SEC61A1: variants seen among roughly 807,000 people sequenced by gnomAD.
The protein encoded by SEC61A1 is SEC61 translocon subunit alpha 1, also known as protein transport protein Sec61 subunit alpha isoform 1.
A neutral mutation model predicts 55.2 loss-of-function variants in SEC61A1; 15 were observed. The ratio of observed to expected loss-of-function variants is 0.27; its 90% confidence interval spans 0.18 to 0.42. The LOEUF is 0.42. Ranked by LOEUF, SEC61A1 falls within the 10% of genes least tolerant of loss-of-function variation. The pLI, the probability that SEC61A1 is intolerant of heterozygous loss-of-function variation, is 1.00. For missense variants in SEC61A1, 284 were observed against 602.6 expected, an observed-to-expected ratio of 0.47 and a Z score of 5.53; for synonymous variants, 247 against 234.0, an observed-to-expected ratio of 1.06 and a Z score of -0.51.
chr3:128,055,003 A>G (rs940820684), intron 2 of SEC61A1, among the ~76,000 whole-genome samples: 3 of 152,188 alleles, frequency 2.0e-5, no homozygotes, highest in East Asian at 3.8e-4. Context: ...GGTTTATTAC[A>G]CTGTTTTACC....
intron 5 of SEC61A1, among the ~76,000 whole-genome samples, chr3:128,059,477 A>AG (rs1308924272): frequency 1.3e-5 from 2 of 152,030 alleles, no homozygotes; most frequent in African/African-American, 4.8e-5. Context: ...TCAAAAAAAA[A>AG]AAAAAGGAAA....
chr3:128,058,201 A>ATTTTTTTTTTTTTTTTTTTTTTTTTTTT lies in SEC61A1; in HGVS notation c.352+1386_352+1387insTTTTTTTTTTTTTTTTTTTTTTTTTTTT, dbSNP rs57508280. 3.8e-5 allele frequency among the ~76,000 whole-genome samples: 3 copies of ATTTTTTTTTTTTTTTTTTTTTTTTTTTT among 79,358 alleles called. 1 individual carries two copies. Among genetic ancestry groups the ATTTTTTTTTTTTTTTTTTTTTTTTTTTT allele is most frequent in the African/African-American group, 1.5e-4 (3 of 20,002 alleles). 52.1% of individuals were successfully genotyped at this position (79,358 alleles called of 152,430 possible). On this transcript the variant is annotated intron_variant, in intron 5 of 11. Coordinates refer to ENST00000243253, the MANE Select transcript of SEC61A1 (RefSeq NM_013336.4). ...GGATAATTGAATGAGAAATACGTCT[A>ATTTTTTTTTTTTTTTTTTTTTTTTTTTT]TTTTTTTTTTTTTTTTTTTTTTTTT...
At chr3:128,066,604 T>C in intron 8 of SEC61A1, 1 of 258,528 alleles carries the variant, frequency 3.9e-6, no homozygotes, top group Non-Finnish European at 7.4e-6. Flanking sequence ...GTTTATTTTT[T>C]GTAGAGACGG....
At position 128,067,010 on chromosome 3, in the gene SEC61A1, C is replaced by G. The variant is rs916026371; in HGVS notation, c.834C>G (p.Thr278=). Residue 278 remains threonine (T), a synonymous_variant, in exon 9 of 12, where the codon ACC becomes ACG. Coordinates refer to ENST00000243253, the MANE Select transcript of SEC61A1 (RefSeq NM_013336.4). The surrounding 1 kb of genome is among the most constrained non-coding windows in gnomAD (Gnocchi z 4.1). The part of the protein sequence containing the change: ...KSARYRGQYN[T]YPIKLFYTSN... ...CCCGCTACCGTGGCCAGTACAACACCTATCCCATCAAGCTCTTCTATACGT... is the reference window on the plus strand; with the variant it reads ...CCCGCTACCGTGGCCAGTACAACACGTATCCCATCAAGCTCTTCTATACGT... 6.2e-7 allele frequency: 1 copy of G among 1,614,206 alleles called. No individual in the cohort carries two copies. Among genetic ancestry groups the G allele is most frequent in the African/African-American group, 1.3e-5 (1 of 75,034 alleles).
Position 128,060,088 on chromosome 3 carries a change from TC to T in SEC61A1, c.353-13del. ...GTGACCCACTTGGAAAACACTTCTT[TC>T]TTTCAATTCTAGTATTTGGCATGAT... On this transcript the variant is annotated splice_polypyrimidine_tract_variant and intron_variant, in intron 5 of 11. Transcript: ENST00000243253. 2 of 1,596,986 alleles carry T rather than the reference TC, an allele frequency of 1.3e-6. No individual in the cohort carries two copies. Among genetic ancestry groups the T allele is most frequent in the Non-Finnish European group, 1.7e-6 (2 of 1,164,758 alleles).
chr3:128,065,543 T>A (rs560994188), intron 8 of SEC61A1, among the ~76,000 whole-genome samples: 3 of 152,142 alleles, frequency 2.0e-5, no homozygotes, highest in African/African-American at 7.2e-5. Flanking sequence ...TTTTTGATGG[T>A]CCACTTTGTA....
intron 5 of SEC61A1, 103 bp downstream of exon 5, chr3:128,056,943 T>TC (rs1941780692): frequency 2.1e-6 from 2 of 972,762 alleles, no homozygotes; most frequent in East Asian, 6.7e-5. Flanking sequence ...TTTTATTTTT[T>TC]TTTTTTTTTT....
At chr3:128,061,304 C>T (rs188508945) in intron 7 of SEC61A1, among the ~76,000 whole-genome samples, 1 of 152,332 alleles carries the variant, frequency 6.6e-6, no homozygotes, top group East Asian at 1.9e-4. Context: ...CATTGGCATG[C>T]TGTGCTACAT....
Position 128,067,281 on chromosome 3 carries a change from T to A in SEC61A1, c.975+130T>A. Reference sequence around the variant, plus strand: ...TGTGCCTTTTACAAATTCAGCACATTAAATTATCTTTTCAGTAAAAAAATT... The same window carrying A: ...TGTGCCTTTTACAAATTCAGCACATAAAATTATCTTTTCAGTAAAAAAATT... On this transcript the variant is annotated intron_variant, in intron 9 of 11. Coordinates refer to ENST00000243253, the MANE Select transcript of SEC61A1 (RefSeq NM_013336.4). This position sits in a 1 kb window ranked among gnomAD's most constrained non-coding sequence, Gnocchi z 4.1. 1.6e-6 allele frequency: 2 copies of A among 1,286,460 alleles called. No individual in the cohort carries two copies. The highest frequency in any genetic ancestry group is 2.2e-6 in the Non-Finnish European group (2 of 917,098). 79.7% of individuals were successfully genotyped at this position (1,286,460 alleles called of 1,614,324 possible).
In SEC61A1 at chr3:128,052,725, G is replaced by A. The variant is rs1268391485; in HGVS notation, c.8-110G>A. 3 of 1,488,956 alleles carry A rather than the reference G, an allele frequency of 2.0e-6. No homozygotes were observed. In the East Asian group the frequency reaches 7.1e-5, roughly 35 times the overall value. The allele number at this position is 1,488,956 out of a possible 1,614,324, so 92.2% of individuals were successfully genotyped here. A position where few individuals can be genotyped will look rare whatever the true frequency, so the allele number is the denominator to read the frequency against. The stretch of plus-strand genomic sequence containing the variant: ...TCCCCACGCGTCCGGGGTGCGGCCG[G>A]CTCCCCTGGCCCCTGCTCTCACTCG... On this transcript the variant is annotated intron_variant, in intron 1 of 11. Coordinates refer to ENST00000243253, the MANE Select transcript of SEC61A1 (RefSeq NM_013336.4).
intron 7 of SEC61A1, among the ~76,000 whole-genome samples, chr3:128,064,370 G>A (rs1315242515): frequency 1.3e-5 from 2 of 152,210 alleles, no homozygotes; most frequent in African/African-American, 4.8e-5. Flanking sequence ...GTTGGGTGCT[G>A]TGGCTCACAC....
chr3:128,058,333 C>A (rs1259507265), intron 5 of SEC61A1, among the ~76,000 whole-genome samples: 1 of 151,654 alleles, frequency 6.6e-6, no homozygotes, highest in Non-Finnish European at 1.5e-5. Flanking sequence ...CTCAGCCTCC[C>A]AAGTAGCTGG....
In SEC61A1 at chr3:128,067,416, C is replaced by T. The variant is rs376842173; in HGVS notation, c.976-5C>T. ...CTCACATGCGTTTGGTTTCTTCTTC[C>T]CCAGGACACGTCTTCTGGGGGCCCA... On this transcript the variant is annotated splice_region_variant and splice_polypyrimidine_tract_variant and intron_variant, in intron 9 of 11. Transcript: ENST00000243253. This position sits in a 1 kb window ranked among gnomAD's most constrained non-coding sequence, Gnocchi z 4.1. The T allele has an allele frequency of 3.7e-6, 6 of 1,609,088 alleles. No individual in the cohort carries two copies. The highest frequency in any genetic ancestry group is 4.2e-6 in the Non-Finnish European group (5 of 1,178,248).
chr3:128,068,519 G>C (rs372703755), intron 11 of SEC61A1: 4 of 165,518 alleles, frequency 2.4e-5, no homozygotes, highest in Admixed American at 2.3e-4. Flanking sequence ...GGCTGGGCAC[G>C]GAAGGGGTTG....
In SEC61A1 at chr3:128,061,249, A is replaced by C. The variant is rs184353522; in HGVS notation, c.616+588A>C. On this transcript the variant is annotated intron_variant, in intron 7 of 11. Transcript: ENST00000243253. ...GGTTACCAGGATGCAGTGAGAAGCA[A>C]CATGAAATTACATGATGCCTGGCTC... 4.6e-5 allele frequency among the ~76,000 whole-genome samples: 7 copies of C among 152,328 alleles called. No homozygotes were observed. The East Asian group carries it at 1.4e-3, about 29-fold the overall frequency.
At chr3:128,051,891 T>A, upstream of SEC61A1, 1 of 1,535,960 alleles carries the variant, frequency 6.5e-7, no homozygotes, top group Admixed American at 2.0e-5. Flanking sequence ...GCTTAATGAC[T>A]CAGACAGCGA....
chr3:128,052,476 C>G lies in SEC61A1; in HGVS notation c.-77C>G. ...CGGAGCTGCTGTGCAGTGGAACGCG[C>G]TGGGCCGCGGGCAGCGTCGCCTCAC... On this transcript the variant is annotated 5_prime_UTR_variant, in exon 1 of 12. Transcript: ENST00000243253. 6.5e-7 allele frequency: 1 copy of G among 1,549,392 alleles called. No individual in the cohort carries two copies. Among genetic ancestry groups the G allele is most frequent in the South Asian group, 1.2e-5 (1 of 83,182 alleles).
rs199671999 is a variant in SEC61A1 at position 128,053,266 on chromosome 3, G to GT, written c.75+372dup. 6.4e-3 allele frequency among the ~76,000 whole-genome samples: 973 copies of GT among 152,056 alleles called. 7 individuals are homozygous for GT. The highest frequency in any genetic ancestry group is 0.022 in the African/African-American group (911 of 41,452). On this transcript the variant is annotated intron_variant, in intron 2 of 11. Coordinates refer to ENST00000243253, the MANE Select transcript of SEC61A1 (RefSeq NM_013336.4). ...TCCAACGGGAGCAGATCACGGGTTG[G>GT]TTTTTTTTCCCAGGAGATGCCCTTT...
At chr3:128,065,065 T>C (rs1450493286) in intron 8 of SEC61A1, 28 bp downstream of exon 8, 1 of 1,612,180 alleles carries the variant, frequency 6.2e-7, no homozygotes, top group Non-Finnish European at 8.5e-7. Context: ...CCCAGGGAGT[T>C]TCCATGGTCT....
Sources: gnomAD v4.1 joint callset for allele counts (sites outside exome capture counted in the v4.1 genomes callset) on GRCh38, gnomAD v4.1.1 for gene constraint, Gnocchi (gnomAD v3.1) non-coding constraint, MANE v1.5 for transcripts, NCBI Gene and HGNC (gene_info 2026-07-23, HGNC 2026-07-21) for gene names.